The following TJP3 variants were observed in gnomAD, a reference collection of about 807,000 sequenced individuals.
The protein encoded by TJP3 is tight junction protein 3, also known as tight junction protein ZO-3.
TJP3 carries 85 observed loss-of-function variants against 104.2 expected under a neutral mutation model. The ratio of observed to expected loss-of-function variants is 0.82; its 90% confidence interval spans 0.68 to 0.98. TJP3 has a LOEUF of 0.98. TJP3 is among the 50% of genes least tolerant of loss of function. TJP3 has a pLI of 0.00. For synonymous variants in TJP3, 550 were observed against 550.6 expected (o/e 1.00, Z 0.02); for missense variants, 1,367 against 1,322.8 (o/e 1.03, Z -0.52).
chr19:3,744,758 C>G (rs145591007), intron 15 of TJP3, among the ~76,000 whole-genome samples: 3,049 of 150,930 alleles, frequency 0.02, 99 homozygotes, highest in African/African-American at 0.07. Flanking sequence ...GAAACCACAT[C>G]TCTACTAAAA....
At chr19:3,710,284 G>A (rs1248618779) in intron 1 of TJP3, among the ~76,000 whole-genome samples, 4 of 74,734 alleles carry the variant, frequency 5.4e-5, no homozygotes, top group African/African-American at 1.3e-4. Flanking sequence ...GGTCCGAATC[G>A]GAGTCTGGTC....
chr19:3,745,580 T>C (rs2036876494), intron 15 of TJP3, among the ~76,000 whole-genome samples: 1 of 152,186 alleles, frequency 6.6e-6, no homozygotes, highest in Non-Finnish European at 1.5e-5. Context: ...GAAGCAGTGC[T>C]CCTCTCAGGT....
At chr19:3,739,220 G>A (rs997202418) in intron 13 of TJP3, 86 bp downstream of exon 13, 13 of 1,282,110 alleles carry the variant, frequency 1.0e-5, no homozygotes, top group Admixed American at 7.3e-5. Context: ...GGCTGGACGC[G>A]GTGGCTCAGG....
At chr19:3,741,383 T>C (rs1439582597) in intron 14 of TJP3, among the ~76,000 whole-genome samples, 4 of 152,140 alleles carry the variant, frequency 2.6e-5, no homozygotes, top group Admixed American at 1.3e-4. Flanking sequence ...GGCAGGAAGA[T>C]TGCTTGAGCT....
At chr19:3,711,479 G>C (rs577814087) in intron 1 of TJP3, among the ~76,000 whole-genome samples, 1 of 151,628 alleles carries the variant, frequency 6.6e-6, no homozygotes, top group Non-Finnish European at 1.5e-5. Flanking sequence ...GATTACAGGC[G>C]TGAGCCACCG....
Position 3,730,273 on chromosome 19 carries a change from C to A in TJP3, c.262-82C>A, listed in dbSNP as rs2036651449. The A allele has an allele frequency of 4.0e-6, 6 of 1,484,498 alleles. No individual in the cohort carries two copies. The African/African-American group carries it at 6.9e-5, about 17-fold the overall frequency. The allele number at this position is 1,484,498 out of a possible 1,614,324, so 92.0% of individuals were successfully genotyped here. Reference sequence around the variant, plus strand: ...TTGAGGCCCAGAGAGAGACTGGTGTCCCCCAGGGCCACCCGGGGGCTGAGC... The same window carrying A: ...TTGAGGCCCAGAGAGAGACTGGTGTACCCCAGGGCCACCCGGGGGCTGAGC... On this transcript the variant is annotated intron_variant, in intron 4 of 20. Coordinates refer to ENST00000541714, the MANE Select transcript of TJP3 (RefSeq NM_001267560.2). The surrounding 1 kb of genome is among the most constrained non-coding windows in gnomAD (Gnocchi z 7.3).
intron 14 of TJP3, among the ~76,000 whole-genome samples, chr19:3,743,229 A>C (rs1599162097): frequency 6.6e-6 from 1 of 152,070 alleles, no homozygotes; most frequent in Non-Finnish European, 1.5e-5. Flanking sequence ...GCGCCACTGC[A>C]CTCCAGCCTG....
chr19:3,718,191 C>CA (rs398033736), intron 1 of TJP3, among the ~76,000 whole-genome samples: 14 of 42,262 alleles, frequency 3.3e-4, no homozygotes, highest in African/African-American at 9.2e-4. Flanking sequence ...GACTCCAACT[C>CA]AAAAAAAAAA....
At chr19:3,739,211 G>T (rs1302340860) in intron 13 of TJP3, 77 bp downstream of exon 13, 7 of 1,354,628 alleles carry the variant, frequency 5.2e-6, no homozygotes, top group Admixed American at 2.4e-5. Context: ...GCTCGATTGG[G>T]CTGGACGCGG....
chr19:3,722,965 G>A (rs1385093330), intron 1 of TJP3, among the ~76,000 whole-genome samples: 5 of 139,670 alleles, frequency 3.6e-5, no homozygotes, highest in Non-Finnish European at 7.7e-5. Context: ...CGGTGTTTGT[G>A]TCCAGCCCTG....
intron 9 of TJP3, 73 bp from the exon 10 acceptor site, chr19:3,735,793 TGAG>T (rs921349856): frequency 3.8e-6 from 6 of 1,593,230 alleles, no homozygotes; most frequent in African/African-American, 1.3e-5. Context: ...CCTTCCAGGA[TGAG>T]GACATAAAGC....
chr19:3,709,048 C>A (rs2036409938), intron 1 of TJP3, among the ~76,000 whole-genome samples: 1 of 152,176 alleles, frequency 6.6e-6, no homozygotes, highest in Non-Finnish European at 1.5e-5. Flanking sequence ...GCCCCCCAAC[C>A]CCTCACCCTG....
intron 1 of TJP3, among the ~76,000 whole-genome samples, chr19:3,717,623 A>T (rs369958335): frequency 1.3e-5 from 2 of 150,148 alleles, no homozygotes; most frequent in East Asian, 4.1e-4. Context: ...TTTTGTAGAG[A>T]TGGGTTTTGC....
chr19:3,721,473 C>CG (rs1460310816), intron 1 of TJP3: 1 of 155,284 alleles, frequency 6.4e-6, no homozygotes, highest in Non-Finnish European at 1.4e-5. Context: ...ATTTCGCGGA[C>CG]GGAAACACCT....
chr19:3,712,831 C>T (rs2036445362), intron 1 of TJP3, among the ~76,000 whole-genome samples: 1 of 151,790 alleles, frequency 6.6e-6, no homozygotes, highest in Non-Finnish European at 1.5e-5. Flanking sequence ...CACCTGTGGC[C>T]CCAGCTACAC....
intron 1 of TJP3, among the ~76,000 whole-genome samples, chr19:3,718,124 T>C (rs1363260510): frequency 7.3e-6 from 1 of 137,004 alleles, no homozygotes; most frequent in Non-Finnish European, 1.5e-5. Context: ...GAGAATGGCG[T>C]GAACCCGGGA....
chr19:3,729,256 C>T (rs1487479473), intron 3 of TJP3, among the ~76,000 whole-genome samples: 7 of 152,138 alleles, frequency 4.6e-5, no homozygotes, highest in South Asian at 2.1e-4. Flanking sequence ...TGGAAACCAT[C>T]GAGTGTTTGA....
intron 18 of TJP3, 131 bp downstream of exon 18, chr19:3,747,007 GGACCT>G: frequency 1.2e-6 from 1 of 823,236 alleles, no homozygotes. Flanking sequence ...AGTCAAGATG[GGACCT>G]GAGACAAGGG....
chr19:3,718,833 G>C (rs2036516062), intron 1 of TJP3, among the ~76,000 whole-genome samples: 1 of 152,136 alleles, frequency 6.6e-6, no homozygotes, highest in Non-Finnish European at 1.5e-5. Flanking sequence ...GTGCGGGCCG[G>C]TAGGGAATGA....
Sources: gnomAD v4.1 joint callset for allele counts (sites outside exome capture counted in the v4.1 genomes callset) on GRCh38, gnomAD v4.1.1 for gene constraint, Gnocchi (gnomAD v3.1) non-coding constraint, MANE v1.5 for transcripts, NCBI Gene and HGNC (gene_info 2026-07-23, HGNC 2026-07-21) for gene names.